Variants in ABCB11 observed in about 807,000 individuals in gnomAD.
The protein encoded by ABCB11 is bile salt export pump.
ABCB11 carries 95 observed loss-of-function variants against 148.0 expected under a neutral mutation model. The ratio of observed to expected loss-of-function variants is 0.64; its 90% confidence interval spans 0.54 to 0.76. The LOEUF (loss-of-function observed/expected upper bound fraction) is 0.76, where lower values mean the gene tolerates loss of function less well. ABCB11 is among the 30% of genes least tolerant of loss of function. The pLI, the probability that ABCB11 is intolerant of heterozygous loss-of-function variation, is 0.00. For synonymous variants in ABCB11, 591 were observed against 555.4 expected, an observed-to-expected ratio of 1.06 and a Z score of -0.90; for missense variants, 1,523 against 1,617.8, an observed-to-expected ratio of 0.94 and a Z score of 1.01.
At chr2:169,024,607 T>A (rs73024754) in intron 1 of ABCB11, among the ~76,000 whole-genome samples, 1 of 152,160 alleles carries the variant, frequency 6.6e-6, no homozygotes, top group African/African-American at 2.4e-5. Flanking sequence ...ATTGATACAT[T>A]ATTATTAGCT....
intron 19 of ABCB11, among the ~76,000 whole-genome samples, chr2:168,953,736 G>C (rs927377435): frequency 6.6e-6 from 1 of 151,702 alleles, no homozygotes; most frequent in Middle Eastern, 3.4e-3. Context: ...AAAGAGAAAA[G>C]TCAAATCGGG....
chr2:169,019,164 A>G (rs1695462557), intron 1 of ABCB11, among the ~76,000 whole-genome samples: 1 of 152,190 alleles, frequency 6.6e-6, no homozygotes, highest in Admixed American at 6.5e-5. Context: ...CATGGAGGTC[A>G]CAGGAGGAGA....
rs1217387909 is a variant in ABCB11, at chr2:168,921,555, A to G, written c.*2067T>C. Reference sequence around the variant, plus strand: ...AGATGGAAATATGTTCTCTTGACCCATTGAACACATTTATTACCATTTTTT... The same window carrying G: ...AGATGGAAATATGTTCTCTTGACCCGTTGAACACATTTATTACCATTTTTT... On this transcript the variant is annotated 3_prime_UTR_variant, in exon 28 of 28. Coordinates refer to ENST00000650372, the MANE Select transcript of ABCB11 (RefSeq NM_003742.4). 1.3e-5 allele frequency among the ~76,000 whole-genome samples: 2 copies of G among 152,176 alleles called. No homozygotes were observed. The highest frequency in any genetic ancestry group is 6.5e-5 in the Admixed American group (1 of 15,282).
chr2:168,958,064 CT>C lies in ABCB11; in HGVS notation c.2242del (p.Ser748ValfsTer10), dbSNP rs1296943854. The C allele has an allele frequency of 6.2e-7, 1 of 1,611,354 alleles. No homozygotes were observed. Among genetic ancestry groups the C allele is most frequent in the African/African-American group, 1.3e-5 (1 of 74,694 alleles). On this transcript the variant is annotated frameshift_variant, in exon 19 of 28. Coordinates refer to ENST00000650372, the MANE Select transcript of ABCB11 (RefSeq NM_003742.4). LOFTEE classifies it high-confidence loss of function. ...PAPVRRILKF[S>X]APEWPYMLVG... ...CAGCATGTAGGGCCATTCTGGAGCACTGAATTTCAGAATCCTCCTAACTGGG... is the reference window on the plus strand; with the variant it reads ...CAGCATGTAGGGCCATTCTGGAGCACGAATTTCAGAATCCTCCTAACTGGG...
chr2:168,973,922 G>T (rs922337138), intron 12 of ABCB11, 82 bp from the exon 13 acceptor site: 2 of 1,502,976 alleles, frequency 1.3e-6, no homozygotes, highest in Non-Finnish European at 1.8e-6. Flanking sequence ...CAGATGCTTT[G>T]TGTTGATACT....
chr2:168,961,367 G>T (rs1693068068), intron 18 of ABCB11, among the ~76,000 whole-genome samples: 1 of 151,702 alleles, frequency 6.6e-6, no homozygotes, highest in African/African-American at 2.4e-5. Context: ...AAGATTTGAT[G>T]ATAAAAAGTG....
At chr2:168,992,627 A>G (rs1694572832) in intron 8 of ABCB11, among the ~76,000 whole-genome samples, 1 of 152,034 alleles carries the variant, frequency 6.6e-6, no homozygotes, top group African/African-American at 2.4e-5. Context: ...GAATCATCAT[A>G]ATGTTTTTGG....
At chr2:168,983,972 T>C (rs1694225672) in intron 10 of ABCB11, among the ~76,000 whole-genome samples, 1 of 151,888 alleles carries the variant, frequency 6.6e-6, no homozygotes, top group African/African-American at 2.4e-5. Flanking sequence ...CAAGTGTAAA[T>C]AAATGCAAAT....
At chr2:168,988,973 A>G (rs925190174) in intron 9 of ABCB11, among the ~76,000 whole-genome samples, 6 of 151,962 alleles carry the variant, frequency 3.9e-5, no homozygotes. Flanking sequence ...CCACTTTTTA[A>G]TCAGGTTGTT....
chr2:168,976,799 T>C, intron 11 of ABCB11, 112 bp from the exon 12 acceptor site: 1 of 638,412 alleles, frequency 1.6e-6, no homozygotes, highest in Non-Finnish European at 2.8e-6. Context: ...ATGTTTTATC[T>C]GGTTGTTGCT....
chr2:168,994,177 T>C (rs1464527462), intron 7 of ABCB11, among the ~76,000 whole-genome samples: 1 of 152,110 alleles, frequency 6.6e-6, no homozygotes. Flanking sequence ...ATAGCTAATA[T>C]CCTTGCTCTG....
chr2:168,979,343 A>C (rs2105983279), intron 11 of ABCB11, among the ~76,000 whole-genome samples: 1 of 151,806 alleles, frequency 6.6e-6, no homozygotes, highest in African/African-American at 2.4e-5. Flanking sequence ...TCAGTTCTCC[A>C]CTCAAATGCT....
chr2:169,027,339 C>A (rs1192895768), intron 1 of ABCB11, among the ~76,000 whole-genome samples: 1 of 152,220 alleles, frequency 6.6e-6, no homozygotes, highest in East Asian at 1.9e-4. Context: ...ATTGTCCACA[C>A]CAACTCCAGT....
intron 4 of ABCB11, 114 bp from the exon 5 acceptor site, chr2:169,013,624 G>A: frequency 1.3e-6 from 1 of 751,946 alleles, no homozygotes; most frequent in Non-Finnish European, 2.2e-6. Flanking sequence ...CAAATTTCAT[G>A]GGAATCACCT....
intron 10 of ABCB11, among the ~76,000 whole-genome samples, chr2:168,985,547 C>T (rs1694289556): frequency 6.6e-6 from 1 of 151,978 alleles, no homozygotes; most frequent in African/African-American, 2.4e-5. Context: ...ATATATATAA[C>T]ATATATGTAT....
chr2:168,986,601 T>C lies in ABCB11; in HGVS notation c.909-317A>G, dbSNP rs1694336064. Among the ~76,000 whole-genome samples the C allele has an allele frequency of 2.0e-5, 3 of 152,128 alleles. No homozygotes were observed. The South Asian group carries it at 6.2e-4, about 32-fold the overall frequency. ...TATGAACAAGAGAGATCTAGTATTA[T>C]GTTTGAAGTGTTTCCTTGAGTCACA... On this transcript the variant is annotated intron_variant, in intron 9 of 27. Coordinates refer to ENST00000650372, the MANE Select transcript of ABCB11 (RefSeq NM_003742.4).
intron 13 of ABCB11, 22 bp from the exon 14 acceptor site, chr2:168,972,072 T>A: frequency 6.2e-7 from 1 of 1,605,456 alleles, no homozygotes; most frequent in South Asian, 1.1e-5. Context: ...GGGCACAACA[T>A]CACAACTTTT....
chr2:169,027,857 G>T (rs576611140), intron 1 of ABCB11, among the ~76,000 whole-genome samples: 36 of 152,270 alleles, frequency 2.4e-4, no homozygotes, highest in African/African-American at 8.4e-4. Context: ...CTTCACCAAT[G>T]GCTGGGATCA....
intron 21 of ABCB11, among the ~76,000 whole-genome samples, chr2:168,940,507 G>C (rs2263243): frequency 0.25 from 37,534 of 151,868 alleles, 5,367 homozygotes; most frequent in African/African-American, 0.38. Flanking sequence ...AAGTGAGGAA[G>C]CTTTGGGAGA....
Sources: gnomAD v4.1 joint callset for allele counts (sites outside exome capture counted in the v4.1 genomes callset) on GRCh38, gnomAD v4.1.1 for gene constraint, MANE v1.5 for transcripts, NCBI Gene and HGNC (gene_info 2026-07-23, HGNC 2026-07-21) for gene names.